Variants in RASGRF2 observed in about 807,000 individuals in gnomAD.
RASGRF2 encodes Ras protein specific guanine nucleotide releasing factor 2.
RASGRF2 carries 76 observed loss-of-function variants against 151.0 expected under a neutral mutation model. The observed-to-expected ratio is 0.50, with a 90% CI of 0.42 to 0.61. RASGRF2 has a LOEUF of 0.61. RASGRF2 is among the 20% of genes least tolerant of loss of function. The pLI is 0.00. For synonymous variants in RASGRF2, 504 were observed against 566.5 expected (o/e 0.89, Z 1.57); for missense variants, 1,148 against 1,564.6 (o/e 0.73, Z 4.49).
chr5:81,061,712 G>C (rs153247), intron 2 of RASGRF2, among the ~76,000 whole-genome samples: 44 of 151,418 alleles, frequency 2.9e-4, no homozygotes, highest in Non-Finnish European at 5.6e-4. Context: ...TTCTGAGATA[G>C]GGTCTCATTT....
intron 18 of RASGRF2, among the ~76,000 whole-genome samples, chr5:81,195,593 G>A (rs1231331541): frequency 7.1e-6 from 1 of 141,452 alleles, no homozygotes; most frequent in African/African-American, 2.7e-5. Context: ...TTTTTTGATA[G>A]ATAAACAAAG....
At chr5:81,197,238 T>C (rs893760945) in intron 18 of RASGRF2, among the ~76,000 whole-genome samples, 12 of 150,404 alleles carry the variant, frequency 8.0e-5, no homozygotes, top group African/African-American at 2.7e-4. Flanking sequence ...GGGTGGATCA[T>C]GAGGTCAGGA....
chr5:81,026,708 T>G (rs1233313079), intron 1 of RASGRF2, among the ~76,000 whole-genome samples: 2 of 151,980 alleles, frequency 1.3e-5, no homozygotes, highest in South Asian at 2.1e-4. Context: ...AAATTATGAC[T>G]AATGAAATGG....
chr5:81,195,937 G>A (rs1336256023), intron 18 of RASGRF2, among the ~76,000 whole-genome samples: 1 of 152,170 alleles, frequency 6.6e-6, no homozygotes, highest in African/African-American at 2.4e-5. Flanking sequence ...TGACTTGTCT[G>A]ATGCTGGGTC....
intron 1 of RASGRF2, among the ~76,000 whole-genome samples, chr5:80,972,505 A>C (rs1361232371): frequency 6.6e-6 from 1 of 151,746 alleles, no homozygotes; most frequent in Non-Finnish European, 1.5e-5. Context: ...TCTGAGCCAG[A>C]GTCTTGCTCT....
At chr5:81,138,270 G>A (rs1753802881) in intron 17 of RASGRF2, among the ~76,000 whole-genome samples, 1 of 152,126 alleles carries the variant, frequency 6.6e-6, no homozygotes, top group Non-Finnish European at 1.5e-5. Context: ...CAGTGATATA[G>A]CTTCTTTTCC....
intron 1 of RASGRF2, among the ~76,000 whole-genome samples, chr5:80,995,072 C>T (rs542859471): frequency 1.3e-5 from 2 of 152,098 alleles, no homozygotes; most frequent in South Asian, 4.2e-4. Context: ...CTGCCTAACA[C>T]GGTGAAACCC....
chr5:81,049,197 A>G (rs936677871), intron 2 of RASGRF2, among the ~76,000 whole-genome samples: 2 of 151,812 alleles, frequency 1.3e-5, no homozygotes, highest in Admixed American at 1.3e-4. Context: ...CAGACAATAC[A>G]AAAGTAAAGA....
intron 1 of RASGRF2, among the ~76,000 whole-genome samples, chr5:81,039,163 T>G (rs915077694): frequency 2.0e-5 from 3 of 152,198 alleles, no homozygotes; most frequent in African/African-American, 7.2e-5. Flanking sequence ...TAATAACATT[T>G]TCTCCTTAGC....
At chr5:81,213,314 A>G (rs1580411319) in intron 23 of RASGRF2, among the ~76,000 whole-genome samples, 1 of 151,954 alleles carries the variant, frequency 6.6e-6, no homozygotes, top group Non-Finnish European at 1.5e-5. Flanking sequence ...GATTGCACCC[A>G]GGGAGCCTGG....
rs183331863 is a variant in RASGRF2 at position 80,972,722 on chromosome 5, C to T, written c.288+11696C>T. 7.2e-5 allele frequency among the ~76,000 whole-genome samples: 11 copies of T among 152,228 alleles called. No individual in the cohort carries two copies. In the South Asian group the frequency reaches 1.2e-3, roughly 17 times the overall value. ...CTTGAACTCCTGACTTCAAGTGATC[C>T]GCCCACCTCGGCCTCCCAAAGTGCT... is the stretch of plus-strand genomic sequence containing the variant. On this transcript the variant is annotated intron_variant, in intron 1 of 26. Coordinates refer to ENST00000265080, the MANE Select transcript of RASGRF2 (RefSeq NM_006909.3).
chr5:81,056,954 T>C lies in RASGRF2; in HGVS notation c.396-11078T>C, dbSNP rs559119125. On this transcript the variant is annotated intron_variant, in intron 2 of 26. Coordinates refer to ENST00000265080, the MANE Select transcript of RASGRF2 (RefSeq NM_006909.3). ...TATCAGAGACTAGGATTGCAACCCC[T>C]GCCTTTTTTTGTTTTCCATTTTCTT... Among the ~76,000 whole-genome samples the C allele has an allele frequency of 2.6e-5, 4 of 152,296 alleles. No individual in the cohort carries two copies. In the South Asian group the frequency reaches 8.3e-4, roughly 32 times the overall value.
intron 15 of RASGRF2, among the ~76,000 whole-genome samples, chr5:81,120,414 T>C (rs1318797490): frequency 6.6e-6 from 1 of 151,758 alleles, no homozygotes; most frequent in Non-Finnish European, 1.5e-5. Flanking sequence ...TTGTCTCTAC[T>C]AAAAATAAAA....
chr5:81,166,488 G>T (rs1036185660), intron 17 of RASGRF2, among the ~76,000 whole-genome samples: 1 of 152,084 alleles, frequency 6.6e-6, no homozygotes, highest in African/African-American at 2.4e-5. Context: ...GCACCTGGCC[G>T]TGAACTTTAC....
chr5:81,114,288 G>A lies in RASGRF2; in HGVS notation c.2470+368G>A, dbSNP rs555432045. On this transcript the variant is annotated intron_variant, in intron 15 of 26. Coordinates refer to ENST00000265080, the MANE Select transcript of RASGRF2 (RefSeq NM_006909.3). ...TGGGAGGTTGTGGGTACCCTCACCC[G>A]TGAGCTCAGGCTGCAGAGCTTTCTC... is the stretch of plus-strand genomic sequence containing the variant. Among the ~76,000 whole-genome samples, 9 of 152,322 alleles carry A rather than the reference G, an allele frequency of 5.9e-5. No homozygotes were observed. The East Asian group carries it at 7.7e-4, about 13-fold the overall frequency.
intron 1 of RASGRF2, among the ~76,000 whole-genome samples, chr5:80,976,782 G>C (rs955666175): frequency 2.0e-5 from 3 of 152,136 alleles, no homozygotes; most frequent in African/African-American, 7.2e-5. Context: ...ACTCCGTGAG[G>C]ACATTTCTTA....
chr5:81,094,471 C>T (rs498119), intron 11 of RASGRF2, 109 bp downstream of exon 11: 500,125 of 1,075,226 alleles, frequency 0.47, 117,056 homozygotes, highest in Middle Eastern at 0.61. Context: ...AACCATTTAG[C>T]CCATGAGCCT....
chr5:81,160,831 C>T (rs1015558747), intron 17 of RASGRF2, among the ~76,000 whole-genome samples: 2 of 147,506 alleles, frequency 1.4e-5, no homozygotes, highest in African/African-American at 5.0e-5. Context: ...TGATCACATC[C>T]CTGCACTCCA....
At chr5:80,963,134 G>A (rs1747616606) in intron 1 of RASGRF2, among the ~76,000 whole-genome samples, 1 of 152,176 alleles carries the variant, frequency 6.6e-6, no homozygotes, top group South Asian at 2.1e-4. Flanking sequence ...AAGAAACAAG[G>A]AGAAACATTC....
Sources: gnomAD v4.1 joint callset for allele counts (sites outside exome capture counted in the v4.1 genomes callset) on GRCh38, gnomAD v4.1.1 for gene constraint, MANE v1.5 for transcripts, NCBI Gene and HGNC (gene_info 2026-07-23, HGNC 2026-07-21) for gene names.